The following EVL variants were observed in gnomAD, a reference collection of about 807,000 sequenced individuals.
EVL encodes the protein Enah/Vasp-like.
In EVL, 21 loss-of-function variants were observed where a neutral mutation model predicts 59.6. That is an observed-to-expected ratio of 0.35 (90% confidence interval 0.25 to 0.51). The LOEUF (loss-of-function observed/expected upper bound fraction) is 0.51. Among genes scored for constraint, EVL ranks in the 20% least tolerant of loss-of-function variants. EVL has a pLI of 0.97. For missense variants in EVL, 462 were observed against 546.6 expected (o/e 0.85, Z 1.54); for synonymous variants, 198 against 203.5 (o/e 0.97, Z 0.23).
chr14:100,080,800 G>A (rs1325164935), intron 1 of EVL, among the ~76,000 whole-genome samples: 2 of 152,140 alleles, frequency 1.3e-5, no homozygotes, highest in African/African-American at 4.8e-5. Context: ...AAACCAGTGT[G>A]TTTTGACTGA....
chr14:99,990,603 C>G (rs2060869201), intron 1 of EVL, among the ~76,000 whole-genome samples: 1 of 152,042 alleles, frequency 6.6e-6, no homozygotes, highest in Admixed American at 6.6e-5. Context: ...AGCATTTGTC[C>G]CTTTGTGACT....
At chr14:100,141,316 A>AT in intron 12 of EVL, 70 bp downstream of exon 12, 1 of 1,559,792 alleles carries the variant, frequency 6.4e-7, no homozygotes, top group Non-Finnish European at 8.8e-7. Flanking sequence ...GTCTCTGACC[A>AT]GCATGGCCAG....
At chr14:100,139,620 G>A (rs1443515199) in intron 11 of EVL, 1 of 152,374 alleles carries the variant, frequency 6.6e-6, no homozygotes, top group Non-Finnish European at 1.5e-5. Flanking sequence ...TCTTTCTTGA[G>A]CTCATCTGGA....
intron 1 of EVL, among the ~76,000 whole-genome samples, chr14:100,001,531 A>T (rs1795360978): frequency 6.6e-6 from 1 of 152,220 alleles, no homozygotes. Flanking sequence ...GTGCAGCGAG[A>T]GTAATTATTT....
chr14:100,052,132 G>T (rs780146140), intron 1 of EVL, among the ~76,000 whole-genome samples: 2 of 152,192 alleles, frequency 1.3e-5, no homozygotes, highest in Non-Finnish European at 2.9e-5. Context: ...CTATCTGGTA[G>T]TTGGTTTTAA....
intron 1 of EVL, among the ~76,000 whole-genome samples, chr14:100,005,454 T>C (rs2060972274): frequency 6.6e-6 from 1 of 152,106 alleles, no homozygotes; most frequent in Non-Finnish European, 1.5e-5. Context: ...ACACCTAATA[T>C]TACTTGGCAG....
intron 9 of EVL, 59 bp from the exon 10 acceptor site, chr14:100,137,519 G>C: frequency 1.3e-6 from 2 of 1,561,084 alleles, no homozygotes; most frequent in African/African-American, 1.3e-5. Flanking sequence ...TTAGGGGATT[G>C]GGGTGGCTAC....
intron 1 of EVL, among the ~76,000 whole-genome samples, chr14:99,987,604 T>C (rs1476224786): frequency 6.6e-6 from 1 of 152,190 alleles, no homozygotes; most frequent in Non-Finnish European, 1.5e-5. Flanking sequence ...ATTGCACCAC[T>C]GCACTCCAAC....
intron 1 of EVL, among the ~76,000 whole-genome samples, chr14:100,037,661 T>A (rs2140228037): frequency 6.6e-6 from 1 of 152,332 alleles, no homozygotes; most frequent in South Asian, 2.1e-4. Context: ...GTTCCTTAGG[T>A]ATCCCCTTGT....
Position 99,994,112 on chromosome 14 carries a change from CTTTTTTTTTTTT to C in EVL, c.5+22070_5+22081del, listed in dbSNP as rs751533422. On this transcript the variant is annotated intron_variant, in intron 1 of 13. Transcript: ENST00000402714. ...TGAGCCACTACACCCAGCCTTTTGGCTTTTTTTTTTTTTTTTTTTTTTTTTTGTACTTTCAGC... is the reference window on the plus strand; with the variant it reads ...TGAGCCACTACACCCAGCCTTTTGGCTTTTTTTTTTTTTTGTACTTTCAGC... Among the ~76,000 whole-genome samples, 242 of 55,170 alleles carry C rather than the reference CTTTTTTTTTTTT, an allele frequency of 4.4e-3. 3 individuals are homozygous for C. The Middle Eastern group carries it at 0.089, about 20-fold the overall frequency. The allele number at this position is 55,170 out of a possible 152,430, so 36.2% of individuals were successfully genotyped here. A position where few individuals can be genotyped will look rare whatever the true frequency, so the allele number is the denominator to read the frequency against.
chr14:100,087,066 T>C (rs117914835), intron 2 of EVL, among the ~76,000 whole-genome samples: 2,111 of 152,314 alleles, frequency 0.014, 45 homozygotes, highest in South Asian at 0.075. Context: ...TATAACTAAA[T>C]AGGGATATCT....
intron 1 of EVL, among the ~76,000 whole-genome samples, chr14:100,013,949 G>A (rs1356724796): frequency 2.6e-5 from 4 of 152,164 alleles, no homozygotes; most frequent in South Asian, 4.1e-4. Context: ...TTTGATATAG[G>A]CAGATATGTG....
chr14:100,084,255 G>A (rs1318117242), intron 1 of EVL, among the ~76,000 whole-genome samples: 3 of 151,824 alleles, frequency 2.0e-5, no homozygotes, highest in African/African-American at 7.3e-5. Flanking sequence ...ATCTCACCAT[G>A]TTGGTCAGGT....
At chr14:99,985,562 G>A (rs2060834507) in intron 1 of EVL, among the ~76,000 whole-genome samples, 1 of 152,036 alleles carries the variant, frequency 6.6e-6, no homozygotes, top group African/African-American at 2.4e-5. Context: ...GAGGTCGGGA[G>A]TTCGTGACCA....
intron 1 of EVL, among the ~76,000 whole-genome samples, chr14:100,050,777 C>G (rs2061635084): frequency 1.4e-5 from 2 of 138,752 alleles, no homozygotes; most frequent in African/African-American, 2.6e-5. Context: ...GGGTCTCACT[C>G]TGTCCCCCAG....
In EVL at chr14:100,019,634, A is replaced by G. The variant is rs928684447; in HGVS notation, c.5+47577A>G. ...TCCTCCATACCAAAAAGACTACCAC[A>G]CAATCTAAGGAAATTGTCTCTGACT... On this transcript the variant is annotated intron_variant, in intron 1 of 13. Transcript: ENST00000402714. The G allele has an allele frequency of 5.2e-6, 8 of 1,529,908 alleles. No individual in the cohort carries two copies. The African/African-American group carries it at 9.6e-5, about 18-fold the overall frequency. 94.8% of individuals were successfully genotyped at this position (1,529,908 alleles called of 1,614,324 possible).
intron 2 of EVL, among the ~76,000 whole-genome samples, chr14:100,092,781 C>T (rs1435034277): frequency 2.0e-5 from 3 of 152,094 alleles, no homozygotes; most frequent in Admixed American, 6.5e-5. Context: ...TGGATATATG[C>T]GGTAACATGG....
intron 3 of EVL, among the ~76,000 whole-genome samples, chr14:100,103,413 T>C (rs927243305): frequency 8.6e-5 from 13 of 152,044 alleles, no homozygotes; most frequent in African/African-American, 3.1e-4. Context: ...CTTATCAACA[T>C]CCTCCCCAGC....
chr14:100,113,578 G>A (rs561870490), intron 3 of EVL, among the ~76,000 whole-genome samples: 1 of 152,244 alleles, frequency 6.6e-6, no homozygotes, highest in African/African-American at 2.4e-5. Flanking sequence ...ATTTGGGCTA[G>A]GAGGAGGGAA....
Sources: allele counts gnomAD v4.1 joint callset (sites outside exome capture counted in the v4.1 genomes callset), GRCh38; gene constraint gnomAD v4.1.1; transcripts MANE v1.5; gene names NCBI Gene and HGNC (gene_info 2026-07-23, HGNC 2026-07-21).